The following ABCA13 variants were observed in gnomAD, a reference collection of about 807,000 sequenced individuals.
The protein encoded by ABCA13 is ATP-binding cassette sub-family A member 13.
A neutral mutation model predicts 478.7 loss-of-function variants in ABCA13; 476 were observed. The observed-to-expected ratio is 0.99, with a 90% confidence interval of 0.92 to 1.07. The LOEUF (loss-of-function observed/expected upper bound fraction) is 1.07, where lower values mean the gene tolerates loss of function less well. ABCA13 is among the 50% of genes least tolerant of loss of function. ABCA13 has a pLI of 0.00. For missense variants in ABCA13, 6,060 were observed against 5,910.6 expected (o/e 1.03, Z -0.83); for synonymous variants, 2,252 against 2,158.9 (o/e 1.04, Z -1.20).
intron 35 of ABCA13, among the ~76,000 whole-genome samples, chr7:48,382,585 T>C (rs1814559527): frequency 6.6e-6 from 1 of 152,236 alleles, no homozygotes. Flanking sequence ...AATTGTTGTT[T>C]GTCTGAATTT....
intron 39 of ABCA13, among the ~76,000 whole-genome samples, chr7:48,406,913 A>G (rs1483465059): frequency 2.0e-5 from 3 of 151,072 alleles, no homozygotes; most frequent in Non-Finnish European, 3.0e-5. Flanking sequence ...AAATATATGT[A>G]TATATATATA....
chr7:48,309,688 T>C (rs1352687761), intron 23 of ABCA13, among the ~76,000 whole-genome samples: 1 of 151,906 alleles, frequency 6.6e-6, no homozygotes, highest in Non-Finnish European at 1.5e-5. Flanking sequence ...AGGGACAGAG[T>C]TTCAGAAGGG....
chr7:48,301,691 G>GCT (rs1197386665), intron 23 of ABCA13, among the ~76,000 whole-genome samples: 1 of 152,060 alleles, frequency 6.6e-6, no homozygotes, highest in Non-Finnish European at 1.5e-5. Flanking sequence ...TGCTTGTCTG[G>GCT]CTCTGTCACC....
At chr7:48,606,404 G>A (rs1182944864) in intron 58 of ABCA13, among the ~76,000 whole-genome samples, 1 of 152,092 alleles carries the variant, frequency 6.6e-6, no homozygotes, top group Non-Finnish European at 1.5e-5. Flanking sequence ...GTCTCTGAGT[G>A]GGCGTCCTTT....
At chr7:48,505,449 G>C (rs1220420385) in intron 48 of ABCA13, among the ~76,000 whole-genome samples, 1 of 152,104 alleles carries the variant, frequency 6.6e-6, no homozygotes, top group African/African-American at 2.4e-5. Flanking sequence ...AAATACAGGT[G>C]ATAGTATAAA....
intron 55 of ABCA13, among the ~76,000 whole-genome samples, chr7:48,565,919 A>G (rs1309381527): frequency 6.6e-6 from 1 of 152,170 alleles, no homozygotes; most frequent in Non-Finnish European, 1.5e-5. Flanking sequence ...AAAACAATTC[A>G]GATATTCAGG....
intron 42 of ABCA13, among the ~76,000 whole-genome samples, chr7:48,445,895 G>A (rs1233110966): frequency 3.9e-5 from 6 of 152,006 alleles, no homozygotes; most frequent in Non-Finnish European, 7.4e-5. Context: ...GCATATCAAG[G>A]CAAGTGGTAA....
rs1489659617 is a variant in ABCA13, at chr7:48,489,447, T to C, written c.13291+103T>C. 2.9e-6 allele frequency: 3 copies of C among 1,023,340 alleles called. No individual in the cohort carries two copies. The Admixed American group carries it at 8.0e-5, about 27-fold the overall frequency. The allele number at this position is 1,023,340 out of a possible 1,614,324, so 63.4% of individuals were successfully genotyped here. On this transcript the variant is annotated intron_variant, in intron 48 of 61. Transcript: ENST00000435803. ...TTCTGAATAGAAATGTGAGGGGCAA[T>C]GAGAAGGTTTCTACTTGGCAACCAA...
intron 42 of ABCA13, among the ~76,000 whole-genome samples, chr7:48,454,441 T>C (rs1825400594): frequency 6.6e-6 from 1 of 152,192 alleles, no homozygotes; most frequent in Admixed American, 6.5e-5. Context: ...TCCTTTCGAA[T>C]TTTGCTTGTG....
chr7:48,347,176 G>A (rs1180312053), intron 29 of ABCA13, among the ~76,000 whole-genome samples: 1 of 152,086 alleles, frequency 6.6e-6, no homozygotes, highest in African/African-American at 2.4e-5. Context: ...GGTGTTCCAG[G>A]GCCCATGGAA....
intron 34 of ABCA13, among the ~76,000 whole-genome samples, chr7:48,375,655 A>C (rs767662093): frequency 1.8e-4 from 27 of 152,196 alleles, no homozygotes; most frequent in Middle Eastern, 3.4e-3. Flanking sequence ...AAACCATGCT[A>C]TAAGTAAAAT....
Position 48,481,105 on chromosome 7 carries a change from T to C in ABCA13, c.13045T>C (p.Ser4349Pro), listed in dbSNP as rs1435312514. The C allele has an allele frequency of 1.9e-6, 3 of 1,601,090 alleles. No individual in the cohort carries two copies. Among genetic ancestry groups the C allele is most frequent in the Non-Finnish European group, 1.7e-6 (2 of 1,173,538 alleles). The stretch of plus-strand genomic sequence containing the variant: ...CCTGGGCCACACACTGTTGAATCTC[T>C]CAGGCTTCAATATGGAGGAGTACTT... Reference protein sequence around the residue: ...NHLGHTLLNLSGFNMEEYLLA... With the variant: ...NHLGHTLLNLPGFNMEEYLLA... Residue 4349 changes from serine to proline, a missense_variant, in exon 46 of 62, where the codon TCA (serine) becomes CCA (proline). By Grantham distance (74) the Ser-to-Pro change is moderately conservative. Around this residue, in one of 3 missense-constraint regions of ABCA13, gnomAD observed 1,627 missense variants for 1,571.0 expected, o/e 1.04. Transcript: ENST00000435803.
chr7:48,539,103 A>G (rs1290689692), intron 55 of ABCA13, among the ~76,000 whole-genome samples: 2 of 152,162 alleles, frequency 1.3e-5, no homozygotes, highest in African/African-American at 4.8e-5. Flanking sequence ...TGTCTGGGCC[A>G]GGTGAGGTGG....
In ABCA13 at chr7:48,238,160, A is replaced by G. The variant is rs896551490; in HGVS notation, c.898-1081A>G. 2.6e-5 allele frequency among the ~76,000 whole-genome samples: 4 copies of G among 152,214 alleles called. No individual in the cohort carries two copies. In the East Asian group the frequency reaches 7.7e-4, roughly 29 times the overall value. On this transcript the variant is annotated intron_variant, in intron 8 of 61. Coordinates refer to ENST00000435803, the MANE Select transcript of ABCA13 (RefSeq NM_152701.5). ...TTATCTTGGTGTGTCCTCACGTGGT[A>G]GAAGGGGTAAGGGAACTCCCTGGGT... is the stretch of plus-strand genomic sequence containing the variant.
At position 48,385,890 on chromosome 7, in the gene ABCA13, T is replaced by G. The variant is rs201019382; in HGVS notation, c.11336-1932T>G. Reference sequence around the variant, plus strand: ...GATGGTATCTCATTGTGGTTTCGATTTGCATTTCTCTAATTATCATTGATG... The same window carrying G: ...GATGGTATCTCATTGTGGTTTCGATGTGCATTTCTCTAATTATCATTGATG... On this transcript the variant is annotated intron_variant, in intron 35 of 61. Coordinates refer to ENST00000435803, the MANE Select transcript of ABCA13 (RefSeq NM_152701.5). Among the ~76,000 whole-genome samples the G allele has an allele frequency of 9.8e-5, 15 of 152,350 alleles. No individual in the cohort carries two copies. The East Asian group carries it at 2.9e-3, about 29-fold the overall frequency.
At chr7:48,299,881 T>C (rs188416782) in intron 23 of ABCA13, among the ~76,000 whole-genome samples, 1 of 152,332 alleles carries the variant, frequency 6.6e-6, no homozygotes, top group Admixed American at 6.5e-5. Flanking sequence ...GCACTCTGTG[T>C]ATCTTTCTCT....
At chr7:48,214,382 C>T (rs970045315) in intron 3 of ABCA13, among the ~76,000 whole-genome samples, 3 of 152,178 alleles carry the variant, frequency 2.0e-5, no homozygotes, top group African/African-American at 7.2e-5. Context: ...TAAACACTGG[C>T]TTCAACTTAA....
intron 1 of ABCA13, among the ~76,000 whole-genome samples, chr7:48,174,316 T>A (rs1373228795): frequency 6.6e-6 from 1 of 152,202 alleles, no homozygotes; most frequent in South Asian, 2.1e-4. Flanking sequence ...TTTTTTAAAT[T>A]GATGCATAAT....
At chr7:48,466,071 A>C (rs1826845961) in intron 43 of ABCA13, among the ~76,000 whole-genome samples, 1 of 152,166 alleles carries the variant, frequency 6.6e-6, no homozygotes, top group African/African-American at 2.4e-5. Context: ...TAAATAATGC[A>C]ATGTAAGTTC....
Sources: allele counts gnomAD v4.1 joint callset (sites outside exome capture counted in the v4.1 genomes callset), GRCh38; gene constraint gnomAD v4.1.1; regional missense constraint gnomAD v4.1.1; transcripts MANE v1.5; gene names NCBI Gene and HGNC (gene_info 2026-07-23, HGNC 2026-07-21).